PTK2: variants seen among roughly 807,000 people sequenced by gnomAD.
PTK2 encodes the protein protein tyrosine kinase 2.
Under a neutral mutation model 150.1 loss-of-function variants are expected in PTK2, and 45 were observed. The ratio of observed to expected loss-of-function variants is 0.30; its 90% CI spans 0.24 to 0.38. PTK2 has a LOEUF of 0.38. PTK2 is among the 10% of genes least tolerant of loss of function. The probability of loss-of-function intolerance (pLI) is 1.00; values close to 1 mark genes in which losing one functional copy is unlikely to be tolerated. For synonymous variants in PTK2, 432 were observed against 449.2 expected (o/e 0.96, Z 0.48); for missense variants, 919 against 1,307.3 (o/e 0.70, Z 4.58).
intron 3 of PTK2, among the ~76,000 whole-genome samples, chr8:140,886,495 G>C (rs1464909956): frequency 6.6e-6 from 1 of 152,192 alleles, no homozygotes; most frequent in African/African-American, 2.4e-5. Flanking sequence ...CATGGTGGTA[G>C]ATTCAAGAGA....
intron 1 of PTK2, among the ~76,000 whole-genome samples, chr8:140,938,638 G>A (rs1166387563): frequency 6.6e-6 from 1 of 152,206 alleles, no homozygotes; most frequent in South Asian, 2.1e-4. Context: ...GGCAACTCCA[G>A]CCTCAGCTCA....
chr8:140,872,333 C>G (rs1214903044), intron 4 of PTK2, among the ~76,000 whole-genome samples: 3 of 152,170 alleles, frequency 2.0e-5, no homozygotes, highest in African/African-American at 7.2e-5. Context: ...GTGTGAGCCA[C>G]CACGCCTGGC....
At chr8:140,991,076 T>C (rs1440351683) in intron 1 of PTK2, among the ~76,000 whole-genome samples, 3 of 152,186 alleles carry the variant, frequency 2.0e-5, no homozygotes, top group Admixed American at 6.6e-5. Flanking sequence ...ATATAACAGA[T>C]TTAAGCGACA....
chr8:140,744,835 G>T, intron 18 of PTK2, 68 bp from the exon 22 acceptor site: 1 of 827,548 alleles, frequency 1.2e-6, no homozygotes, highest in Non-Finnish European at 1.9e-6. Context: ...GAAATCAAAA[G>T]CAAAAAAGCT....
At chr8:140,796,873 C>A (rs1342129520) in intron 12 of PTK2, among the ~76,000 whole-genome samples, 1 of 150,818 alleles carries the variant, frequency 6.6e-6, no homozygotes, top group Non-Finnish European at 1.5e-5. Flanking sequence ...TTTGGAGATA[C>A]ACACACACAC....
intron 2 of PTK2, among the ~76,000 whole-genome samples, chr8:140,903,794 GCTCT>G (rs552655761): frequency 3.8e-4 from 57 of 151,798 alleles, no homozygotes; most frequent in Non-Finnish European, 6.3e-4. Context: ...TCATGATTTG[GCTCT>G]CTATTATTGG....
chr8:140,669,569 T>C, intron 29 of PTK2, 158 bp downstream of exon 33: 1 of 714,224 alleles, frequency 1.4e-6, no homozygotes, highest in Non-Finnish European at 2.3e-6. Flanking sequence ...TTTGCATATA[T>C]AAACACTGCT....
intron 1 of PTK2, among the ~76,000 whole-genome samples, chr8:140,998,874 G>A (rs1433024308): frequency 2.0e-5 from 3 of 149,118 alleles, no homozygotes; most frequent in African/African-American, 5.0e-5. Flanking sequence ...TCCCTAGAAA[G>A]AACAGTTATC....
intron 5 of PTK2, among the ~76,000 whole-genome samples, chr8:140,849,428 TAAA>T (rs2154604549): frequency 6.6e-6 from 1 of 152,332 alleles, no homozygotes; most frequent in South Asian, 2.1e-4. Context: ...ATATCCCTTA[TAAA>T]ACACTTCTTG....
At chr8:140,892,121 T>C (rs1414257621) in intron 2 of PTK2, among the ~76,000 whole-genome samples, 12 of 152,144 alleles carry the variant, frequency 7.9e-5, no homozygotes, top group South Asian at 2.1e-4. Context: ...GGTGGGAGGA[T>C]AGCTTGAGCC....
At position 140,820,076 on chromosome 8, in the gene PTK2, G is replaced by GTTTTTTTTTTTTTTTTTTTTTT. The variant is rs370537018; in HGVS notation, c.649-1078_649-1057dup. 1.8e-4 allele frequency among the ~76,000 whole-genome samples: 9 copies of GTTTTTTTTTTTTTTTTTTTTTT among 50,254 alleles called. 2 individuals are homozygous for GTTTTTTTTTTTTTTTTTTTTTT. The highest frequency in any genetic ancestry group is 2.1e-4 in the Non-Finnish European group (5 of 23,966). 33.0% of individuals were successfully genotyped at this position (50,254 alleles called of 152,430 possible). A position where few individuals can be genotyped will look rare whatever the true frequency, so the allele number is the denominator to read the frequency against. On this transcript the variant is annotated intron_variant, in intron 8 of 31. Transcript: ENST00000522684. ...AGAGGAGTGACTTTATCTGACTTTG[G>GTTTTTTTTTTTTTTTTTTTTTT]TTTTTTTTTTTTTTTTTTTTTTTTT...
intron 29 of PTK2, chr8:140,668,643 T>C: frequency 2.1e-6 from 1 of 478,244 alleles, no homozygotes; most frequent in Non-Finnish European, 3.6e-6. Flanking sequence ...TTGAGCTCAG[T>C]TAAAGGAAAT....
At chr8:140,988,808 G>C (rs2100194422) in intron 1 of PTK2, among the ~76,000 whole-genome samples, 1 of 151,274 alleles carries the variant, frequency 6.6e-6, no homozygotes, top group African/African-American at 2.4e-5. Context: ...CAGAGAAGTA[G>C]GGAAAAAGAT....
chr8:140,837,670 A>G (rs1267656796), intron 7 of PTK2, among the ~76,000 whole-genome samples: 2 of 152,174 alleles, frequency 1.3e-5, no homozygotes, highest in Non-Finnish European at 2.9e-5. Context: ...TGGAGGTTAC[A>G]CTGGGCTGAG....
chr8:140,904,008 A>C (rs1004870093), intron 2 of PTK2, among the ~76,000 whole-genome samples: 2 of 151,928 alleles, frequency 1.3e-5, no homozygotes, highest in Admixed American at 1.3e-4. Context: ...CTCTAGCCTG[A>C]CTGCCCTGGC....
chr8:140,923,065 G>A (rs2154608325), intron 2 of PTK2, among the ~76,000 whole-genome samples: 1 of 152,316 alleles, frequency 6.6e-6, no homozygotes, highest in Admixed American at 6.5e-5. Flanking sequence ...AAAGTGACCA[G>A]TAGATGGGGG....
At chr8:140,684,160 A>G (rs1314947638) in intron 27 of PTK2, among the ~76,000 whole-genome samples, 1 of 152,192 alleles carries the variant, frequency 6.6e-6, no homozygotes, top group Non-Finnish European at 1.5e-5. Flanking sequence ...AGCAGTCCCC[A>G]ATCATTTTGG....
rs528588475 is a variant in PTK2, at chr8:140,862,858, C to G, written c.450+1454G>C. 2.0e-5 allele frequency among the ~76,000 whole-genome samples: 3 copies of G among 152,244 alleles called. No individual in the cohort carries two copies. The South Asian group carries it at 6.2e-4, about 32-fold the overall frequency. On this transcript the variant is annotated intron_variant, in intron 5 of 31. Coordinates refer to ENST00000522684, the Ensembl canonical transcript of PTK2. ...CACCCCACCCTGCCACACCCTGTGG[C>G]CCTGGTCTGTAGAAAAACTGTCCTC...
intron 1 of PTK2, among the ~76,000 whole-genome samples, chr8:140,929,757 C>CTT (rs35397973): frequency 2.6e-4 from 39 of 148,862 alleles, no homozygotes; most frequent in African/African-American, 6.7e-4. Context: ...GACCCTGGCA[C>CTT]TTTTTTTTTT....
Sources: allele counts gnomAD v4.1 joint callset (sites outside exome capture counted in the v4.1 genomes callset), GRCh38; gene constraint gnomAD v4.1.1; transcripts MANE v1.5; gene names NCBI Gene and HGNC (gene_info 2026-07-23, HGNC 2026-07-21).